The following RYR3 variants were observed in gnomAD, a reference collection of about 807,000 sequenced individuals.
RYR3 encodes ryanodine receptor 3, also known as brain ryanodine receptor-calcium release channel.
Under a neutral mutation model 584.3 loss-of-function variants are expected in RYR3, and 207 were observed. The ratio of observed to expected loss-of-function variants is 0.35; its 90% CI spans 0.32 to 0.40. The LOEUF is 0.40. RYR3 is among the 10% of genes least tolerant of loss of function. RYR3 has a pLI of 1.00. For missense variants in RYR3, 5,616 were observed against 6,089.2 expected (o/e 0.92, Z 2.59); for synonymous variants, 2,416 against 2,248.5 (o/e 1.07, Z -2.11).
In RYR3 at chr15:33,840,818, TG is replaced by T; in HGVS notation, c.12979-6del. On this transcript the variant is annotated splice_region_variant and splice_polypyrimidine_tract_variant and intron_variant, in intron 89 of 103. Transcript: ENST00000634891. ...GGAAAGCTTGACTAATTGTTATTTT[TG>T]TCTAGGCAGCAGAAATGAAAGCAGC... 1 of 1,613,772 alleles carries T rather than the reference TG, an allele frequency of 6.2e-7. No homozygotes were observed. Among genetic ancestry groups the T allele is most frequent in the Non-Finnish European group, 8.5e-7 (1 of 1,179,762 alleles).
intron 1 of RYR3, among the ~76,000 whole-genome samples, chr15:33,325,798 C>A (rs1430705244): frequency 8.2e-6 from 1 of 121,262 alleles, no homozygotes; most frequent in Admixed American, 1.0e-4. Context: ...TTTCTCTTTT[C>A]ATTTCTTTTC....
intron 1 of RYR3, among the ~76,000 whole-genome samples, chr15:33,321,850 G>T (rs1423336179): frequency 6.6e-6 from 1 of 152,162 alleles, no homozygotes; most frequent in East Asian, 1.9e-4. Flanking sequence ...AAATAGAAAA[G>T]TGAACTCTAT....
At chr15:33,394,445 C>A (rs1336682866) in intron 1 of RYR3, among the ~76,000 whole-genome samples, 3 of 152,190 alleles carry the variant, frequency 2.0e-5, no homozygotes, top group Admixed American at 2.0e-4. Context: ...TTCCAACTTT[C>A]CATGTGGTTT....
chr15:33,547,061 GCT>G (rs1443799865), intron 8 of RYR3, among the ~76,000 whole-genome samples: 2 of 152,150 alleles, frequency 1.3e-5, no homozygotes, highest in Non-Finnish European at 2.9e-5. Flanking sequence ...CTTGAGACAT[GCT>G]CTTAAACTGT....
chr15:33,793,160 A>G (rs922017128), intron 67 of RYR3, among the ~76,000 whole-genome samples: 2 of 152,226 alleles, frequency 1.3e-5, no homozygotes, highest in Non-Finnish European at 2.9e-5. Flanking sequence ...GAATCAACTC[A>G]GGAACATTCA....
At chr15:33,800,081 A>G (rs896713175) in intron 67 of RYR3, among the ~76,000 whole-genome samples, 4 of 152,094 alleles carry the variant, frequency 2.6e-5, no homozygotes, top group Admixed American at 6.5e-5. Context: ...CTGCAGTTCA[A>G]CCTTCTTGGT....
At chr15:33,776,117 G>A (rs527988333) in intron 64 of RYR3, among the ~76,000 whole-genome samples, 3 of 152,310 alleles carry the variant, frequency 2.0e-5, no homozygotes, top group South Asian at 4.1e-4. Context: ...ATGAACGTAT[G>A]TAAGGGAATC....
At chr15:33,570,102 T>G (rs1373760664) in intron 12 of RYR3, among the ~76,000 whole-genome samples, 1 of 152,168 alleles carries the variant, frequency 6.6e-6, no homozygotes, top group African/African-American at 2.4e-5. Context: ...CAGTTTAACA[T>G]ATTTATGGAT....
At chr15:33,748,047 C>A (rs1443497199) in intron 53 of RYR3, 67 bp from the exon 54 acceptor site, 2 of 1,497,798 alleles carry the variant, frequency 1.3e-6, no homozygotes, top group African/African-American at 1.4e-5. Flanking sequence ...ACCTTCCATG[C>A]GGAGATGGGC....
intron 86 of RYR3, among the ~76,000 whole-genome samples, chr15:33,831,636 G>A (rs1596874856): frequency 6.6e-6 from 1 of 152,304 alleles, no homozygotes. Context: ...CATGTTAACT[G>A]TCTAGATCTT....
chr15:33,511,145 G>A (rs2052948282), intron 3 of RYR3, among the ~76,000 whole-genome samples: 2 of 151,596 alleles, frequency 1.3e-5, no homozygotes, highest in Admixed American at 6.6e-5. Flanking sequence ...TTAAATGTTA[G>A]TTATAAAAAA....
At chr15:33,597,869 G>A (rs774102277) in intron 16 of RYR3, among the ~76,000 whole-genome samples, 2 of 150,940 alleles carry the variant, frequency 1.3e-5, no homozygotes, top group African/African-American at 4.9e-5. Flanking sequence ...GCGTGCCAAT[G>A]GAAGTACATT....
chr15:33,480,057 C>A (rs2049818315), intron 2 of RYR3, among the ~76,000 whole-genome samples: 1 of 152,164 alleles, frequency 6.6e-6, no homozygotes, highest in African/African-American at 2.4e-5. Flanking sequence ...GGTACCCAGA[C>A]ATGGTAAGAC....
intron 1 of RYR3, among the ~76,000 whole-genome samples, chr15:33,432,352 C>T (rs1298537821): frequency 6.6e-6 from 1 of 151,974 alleles, no homozygotes; most frequent in Non-Finnish European, 1.5e-5. Context: ...ATGTAGTTTT[C>T]AAAACAGTAC....
intron 38 of RYR3, among the ~76,000 whole-genome samples, chr15:33,683,706 G>T (rs1394778139): frequency 1.3e-5 from 2 of 152,250 alleles, no homozygotes; most frequent in Non-Finnish European, 2.9e-5. Flanking sequence ...AAGCACAAGG[G>T]GTCGGGGGAT....
chr15:33,693,475 T>C (rs776992284), intron 38 of RYR3, among the ~76,000 whole-genome samples: 1 of 152,264 alleles, frequency 6.6e-6, no homozygotes, highest in Non-Finnish European at 1.5e-5. Flanking sequence ...ACAAAGCTTC[T>C]GTTGAATTCC....
At chr15:33,315,101 A>T (rs1967968789) in intron 1 of RYR3, among the ~76,000 whole-genome samples, 1 of 152,198 alleles carries the variant, frequency 6.6e-6, no homozygotes, top group African/African-American at 2.4e-5. Flanking sequence ...GGGATGAGAA[A>T]AGGCACTTGG....
chr15:33,663,477 G>T, intron 35 of RYR3, 60 bp from the exon 36 acceptor site: 1 of 1,442,096 alleles, frequency 6.9e-7, no homozygotes, highest in East Asian at 2.4e-5. Context: ...TGTAAAATGG[G>T]CATGCTAGCA....
intron 3 of RYR3, among the ~76,000 whole-genome samples, chr15:33,508,989 T>G (rs575345874): frequency 1.1e-4 from 17 of 152,308 alleles, no homozygotes; most frequent in African/African-American, 4.1e-4. Context: ...AGCGTAAACA[T>G]ACATTATGCT....
Sources: gnomAD v4.1 joint callset for allele counts (sites outside exome capture counted in the v4.1 genomes callset) on GRCh38, gnomAD v4.1.1 for gene constraint, MANE v1.5 for transcripts, NCBI Gene and HGNC (gene_info 2026-07-23, HGNC 2026-07-21) for gene names.